The following ZNF554 variants were observed in gnomAD, a reference collection of about 807,000 sequenced individuals.
The protein encoded by ZNF554 is zinc finger protein 554.
A neutral mutation model predicts 21.2 loss-of-function variants in ZNF554; 15 were observed. That is an observed-to-expected ratio of 0.71 (90% CI 0.47 to 1.09). The LOEUF (loss-of-function observed/expected upper bound fraction) is 1.09, where lower values mean the gene tolerates loss of function less well. Among genes scored for constraint, ZNF554 ranks in the 50% least tolerant of loss-of-function variants. The probability of loss-of-function intolerance (pLI) is 0.00; values close to 1 mark genes in which losing one functional copy is unlikely to be tolerated. For missense variants in ZNF554, 691 were observed against 662.7 expected, an observed-to-expected ratio of 1.04 and a Z score of -0.47; for synonymous variants, 258 against 251.4, an observed-to-expected ratio of 1.03 and a Z score of -0.25.
chr19:2,821,548 C>T lies in ZNF554; in HGVS notation c.53+1424C>T, dbSNP rs2087264008. ...TCTGGCGGGAGGATCTTCTCTGTCT[C>T]TTCCAGCTTCTGGGGGTGGCCTGCC... is the stretch of plus-strand genomic sequence containing the variant. On this transcript the variant is annotated intron_variant, in intron 1 of 4. Transcript: ENST00000317243. This position sits in a 1 kb window ranked among gnomAD's most constrained non-coding sequence, Gnocchi z 8.2. Among the ~76,000 whole-genome samples, 5 of 151,998 alleles carry T rather than the reference C, an allele frequency of 3.3e-5. No individual in the cohort carries two copies. The highest frequency in any genetic ancestry group is 3.3e-4 in the Admixed American group (5 of 15,272).
Position 2,823,022 on chromosome 19 carries a change from C to T in ZNF554, c.54-18C>T. ...TGGCCTGGATCTGGTATTCGCAGCG[C>T]CTTTTTCCTCCCCACAGCTCTGCCT... is the stretch of plus-strand genomic sequence containing the variant. On this transcript the variant is annotated intron_variant, in intron 1 of 4. Coordinates refer to ENST00000317243, the MANE Select transcript of ZNF554 (RefSeq NM_001102651.2). 6.2e-7 allele frequency: 1 copy of T among 1,611,862 alleles called. No homozygotes were observed. The highest frequency in any genetic ancestry group is 8.5e-7 in the Non-Finnish European group (1 of 1,178,682).
At chr19:2,820,420 G>A (rs1243245692) in intron 1 of ZNF554, among the ~76,000 whole-genome samples, 1 of 152,218 alleles carries the variant, frequency 6.6e-6, no homozygotes, top group African/African-American at 2.4e-5. Context: ...GGGCTGCCAC[G>A]CTCGCACTGC....
rs373645526 is a variant in ZNF554, at chr19:2,836,271, AT to A, written c.*1421del. Among the ~76,000 whole-genome samples, 177 of 150,600 alleles carry A rather than the reference AT, an allele frequency of 1.2e-3. 5 individuals are homozygous for A. The East Asian group carries it at 0.032, about 27-fold the overall frequency. ...TACGGGCGTGAGCCACTGTGCTGGG[AT>A]TACGGGCGCGAGCCACTGTGCTGGG... is the stretch of plus-strand genomic sequence containing the variant. On this transcript the variant is annotated 3_prime_UTR_variant, in exon 5 of 5. Coordinates refer to ENST00000317243, the MANE Select transcript of ZNF554 (RefSeq NM_001102651.2).
At chr19:2,825,000 G>GTTTTTTTTTTT (rs1568332468) in intron 2 of ZNF554, among the ~76,000 whole-genome samples, 2 of 114,914 alleles carry the variant, frequency 1.7e-5, no homozygotes, top group Non-Finnish European at 1.8e-5. Context: ...CGTGATTGCA[G>GTTTTTTTTTTT]TTGTTTTTTT....
intron 2 of ZNF554, among the ~76,000 whole-genome samples, chr19:2,826,535 G>T (rs916037588): frequency 6.6e-6 from 1 of 151,918 alleles, no homozygotes. Flanking sequence ...ACCAGCTTAC[G>T]TGCTGTTTTA....
intron 3 of ZNF554, among the ~76,000 whole-genome samples, chr19:2,829,542 C>T (rs1437825472): frequency 6.6e-6 from 1 of 151,986 alleles, no homozygotes; most frequent in Non-Finnish European, 1.5e-5. Context: ...GAGGCTGAGG[C>T]AGGAGAATCG....
At position 2,820,014 on chromosome 19, in the gene ZNF554, G is replaced by A; in HGVS notation, c.-58G>A. On this transcript the variant is annotated 5_prime_UTR_variant, in exon 1 of 5. Transcript: ENST00000317243. ...AGGGACACGCAGGGGAGGCCGGCCGGCCTGCACGGGGCGCTCCCGCCTCGG... is the reference window on the plus strand; with the variant it reads ...AGGGACACGCAGGGGAGGCCGGCCGACCTGCACGGGGCGCTCCCGCCTCGG... The A allele has an allele frequency of 8.5e-7, 1 of 1,179,946 alleles. No homozygotes were observed. The highest frequency in any genetic ancestry group is 1.1e-6 in the Non-Finnish European group (1 of 950,600). The allele number at this position is 1,179,946 out of a possible 1,614,324, so 73.1% of individuals were successfully genotyped here.
At position 2,832,328 on chromosome 19, in the gene ZNF554, T is replaced by A. The variant is rs764341700; in HGVS notation, c.279T>A (p.Asp93Glu). ...SLEALKNQCT[D>E]VGIKEGPLSP... is the part of the protein sequence containing the mutation. ...AAGCCTTGAAGAACCAATGTACTGATGTGGGGATTAAAGAGGGTCCACTTT... is the reference window on the plus strand; with the variant it reads ...AAGCCTTGAAGAACCAATGTACTGAAGTGGGGATTAAAGAGGGTCCACTTT... Residue 93 changes from aspartate to glutamate, a missense_variant, in exon 4 of 5, where the codon GAT becomes GAA. Coordinates refer to ENST00000317243, the MANE Select transcript of ZNF554 (RefSeq NM_001102651.2). 6.2e-7 allele frequency: 1 copy of A among 1,610,218 alleles called. No homozygotes were observed. The highest frequency in any genetic ancestry group is 8.5e-7 in the Non-Finnish European group (1 of 1,178,582).
intron 2 of ZNF554, among the ~76,000 whole-genome samples, chr19:2,824,676 A>G (rs1053210608): frequency 6.6e-6 from 1 of 152,254 alleles, no homozygotes; most frequent in Admixed American, 6.5e-5. Context: ...TGAAATACAT[A>G]TGAACTTTAC....
Position 2,834,108 on chromosome 19 carries a change from C to T in ZNF554, c.873C>T (p.His291=), listed in dbSNP as rs377231682. 2.1e-5 allele frequency: 34 copies of T among 1,613,864 alleles called. No homozygotes were observed. Among genetic ancestry groups the T allele is most frequent in the Middle Eastern group, 1.6e-4 (1 of 6,084 alleles). ...GCCAGAACAGTCACTTTATTCAACA[C>T]GGGGGGAAGATGTTTGTGTATTTGG... is the stretch of plus-strand genomic sequence containing the variant. ...AIRQNSHFIQ[H]GGKMFVYLEN... Residue 291 remains histidine, a synonymous_variant, in exon 5 of 5, where the codon CAC becomes CAT. Coordinates refer to ENST00000317243, the MANE Select transcript of ZNF554 (RefSeq NM_001102651.2).
Position 2,821,353 on chromosome 19 carries a change from A to G in ZNF554, c.53+1229A>G, listed in dbSNP as rs577181327. ...TGATCCACCTACCTCGGCCTCCCAA[A>G]GTGACCACTGCGCCCGGCGCCTTTG... On this transcript the variant is annotated intron_variant, in intron 1 of 4. Coordinates refer to ENST00000317243, the MANE Select transcript of ZNF554 (RefSeq NM_001102651.2). This position sits in a 1 kb window ranked among gnomAD's most constrained non-coding sequence, Gnocchi z 8.2. Among the ~76,000 whole-genome samples, 22 of 152,022 alleles carry G rather than the reference A, an allele frequency of 1.4e-4. No homozygotes were observed. The highest frequency in any genetic ancestry group is 1.5e-4 in the Non-Finnish European group (10 of 67,998).
intron 1 of ZNF554, among the ~76,000 whole-genome samples, chr19:2,822,186 G>T (rs535754809): frequency 6.6e-6 from 1 of 152,092 alleles, no homozygotes; most frequent in African/African-American, 2.4e-5. Context: ...GAGTAGCTGG[G>T]TTTACAGGGA....
chr19:2,827,183 C>T (rs753798302), intron 2 of ZNF554, among the ~76,000 whole-genome samples: 7 of 152,192 alleles, frequency 4.6e-5, no homozygotes, highest in Admixed American at 3.9e-4. Flanking sequence ...GGATAAAATT[C>T]TTCTTTCCAT....
intron 3 of ZNF554, among the ~76,000 whole-genome samples, chr19:2,830,097 T>A (rs913841383): frequency 1.3e-5 from 2 of 152,186 alleles, no homozygotes; most frequent in African/African-American, 4.8e-5. Flanking sequence ...GCTAATTTTT[T>A]AATAATTTTT....
chr19:2,825,003 GTTTTTTTTTTT>G (rs140025750), intron 2 of ZNF554, among the ~76,000 whole-genome samples: 1 of 97,696 alleles, frequency 1.0e-5, no homozygotes, highest in Non-Finnish European at 2.0e-5. Flanking sequence ...GATTGCAGTT[GTTTTTTTTTTT>G]TTTTTTTTTT....
In ZNF554 at chr19:2,834,204, C is replaced by CT; in HGVS notation, c.972dup (p.Glu325Ter). On this transcript the variant is annotated frameshift_variant, in exon 5 of 5. Coordinates refer to ENST00000317243, the MANE Select transcript of ZNF554 (RefSeq NM_001102651.2). LOFTEE classifies it low-confidence loss of function (END_TRUNC). Reference sequence around the variant, plus strand: ...ACAAAATCAACACGGCAGAGAAACCCTTTGAGTGCCACCAGTGTGGGAAGG... The same window carrying CT: ...ACAAAATCAACACGGCAGAGAAACCCTTTTGAGTGCCACCAGTGTGGGAAGG... 6.2e-7 allele frequency: 1 copy of CT among 1,614,032 alleles called. No individual in the cohort carries two copies. Among genetic ancestry groups the CT allele is most frequent in the South Asian group, 1.1e-5 (1 of 91,088 alleles).
At position 2,821,852 on chromosome 19, in the gene ZNF554, C is replaced by T. The variant is rs1443073749; in HGVS notation, c.54-1188C>T. 1.3e-5 allele frequency among the ~76,000 whole-genome samples: 2 copies of T among 151,258 alleles called. No individual in the cohort carries two copies. The highest frequency in any genetic ancestry group is 6.6e-5 in the Admixed American group (1 of 15,206). On this transcript the variant is annotated intron_variant, in intron 1 of 4. Transcript: ENST00000317243. This position sits in a 1 kb window ranked among gnomAD's most constrained non-coding sequence, Gnocchi z 8.2. Reference sequence around the variant, plus strand: ...CTAATTTTTGTATTTTTAGTAGAGACGGGGGTTTTGCCATGTTGGCCAGGC... The same window carrying T: ...CTAATTTTTGTATTTTTAGTAGAGATGGGGGTTTTGCCATGTTGGCCAGGC...
At position 2,835,024 on chromosome 19, in the gene ZNF554, A is replaced by T; in HGVS notation, c.*172A>T. On this transcript the variant is annotated 3_prime_UTR_variant, in exon 5 of 5. Coordinates refer to ENST00000317243, the MANE Select transcript of ZNF554 (RefSeq NM_001102651.2). ...TTTTTGTATTTTGTTGTTGTTGTTG[A>T]GATGGAGTCTGCCACCCAGGCTGGA... The T allele has an allele frequency of 1.5e-6, 1 of 646,530 alleles. No homozygotes were observed. The highest frequency in any genetic ancestry group is 2.6e-6 in the Non-Finnish European group (1 of 389,124). The allele number at this position is 646,530 out of a possible 1,614,324, so 40.0% of individuals were successfully genotyped here. A position where few individuals can be genotyped will look rare whatever the true frequency, so the allele number is the denominator to read the frequency against.
Position 2,819,895 on chromosome 19 carries a change from G to C in ZNF554, c.-177G>C. 5.7e-6 allele frequency: 2 copies of C among 350,300 alleles called. No individual in the cohort carries two copies. The highest frequency in any genetic ancestry group is 9.8e-6 in the Non-Finnish European group (2 of 204,564). 21.7% of individuals were successfully genotyped at this position (350,300 alleles called of 1,614,324 possible). ...TGCCGAGTTTACCTCTGCGCGCGTC[G>C]GGGTTGGTGGCGGCGGCTGCGGCGA... On this transcript the variant is annotated 5_prime_UTR_variant, in exon 1 of 5. Transcript: ENST00000317243.
Sources: allele counts gnomAD v4.1 joint callset (sites outside exome capture counted in the v4.1 genomes callset), GRCh38; gene constraint gnomAD v4.1.1; non-coding constraint Gnocchi (gnomAD v3.1); transcripts MANE v1.5; gene names NCBI Gene and HGNC (gene_info 2026-07-23, HGNC 2026-07-21).